Variants in TSHZ2 observed in about 807,000 individuals in gnomAD.
TSHZ2 encodes the protein teashirt homolog 2.
TSHZ2 carries 21 observed loss-of-function variants against 74.4 expected under a neutral mutation model. The ratio of observed to expected loss-of-function variants is 0.28; its 90% CI spans 0.20 to 0.41. TSHZ2 has a LOEUF of 0.41. Among genes scored for constraint, TSHZ2 ranks in the 10% least tolerant of loss-of-function variants. The pLI, the probability that TSHZ2 is intolerant of heterozygous loss-of-function variation, is 1.00. For missense variants in TSHZ2, 1,244 were observed against 1,293.5 expected (o/e 0.96, Z 0.59); for synonymous variants, 540 against 515.3 (o/e 1.05, Z -0.65).
At chr20:53,145,982 A>G (rs1987530824) in intron 1 of TSHZ2, among the ~76,000 whole-genome samples, 1 of 152,222 alleles carries the variant, frequency 6.6e-6, no homozygotes, top group African/African-American at 2.4e-5. Context: ...TCACAATACT[A>G]AAACGTCTAG....
intron 1 of TSHZ2, among the ~76,000 whole-genome samples, chr20:53,036,572 G>A (rs1983826509): frequency 6.7e-6 from 1 of 149,288 alleles, no homozygotes; most frequent in African/African-American, 2.4e-5. Flanking sequence ...GTTTTAAAAA[G>A]TAAAAATGTA....
rs529981538 is a variant in TSHZ2, at chr20:53,229,847, AAAG to A, written c.41-23646_41-23644del. Among the ~76,000 whole-genome samples the A allele has an allele frequency of 1.5e-3, 225 of 150,468 alleles. 2 individuals carry two copies. The highest frequency in any genetic ancestry group is 2.8e-3 in the Admixed American group (42 of 15,076). On this transcript the variant is annotated intron_variant, in intron 1 of 2. Transcript: ENST00000371497. ...AGGGAGGAAGAGAAAGAAAAGAAAA[AAAG>A]AAGAAATGGAAAGAAAAGAGGGAGG...
intron 2 of TSHZ2, among the ~76,000 whole-genome samples, chr20:53,328,246 T>C (rs1388429259): frequency 2.0e-5 from 3 of 152,194 alleles, no homozygotes; most frequent in Non-Finnish European, 4.4e-5. Context: ...TTTTATAAAA[T>C]ATCTGCATAA....
chr20:53,230,896 AAAAAG>A (rs1436085236), intron 1 of TSHZ2, among the ~76,000 whole-genome samples: 3 of 152,170 alleles, frequency 2.0e-5, no homozygotes, highest in Non-Finnish European at 4.4e-5. Flanking sequence ...AAAAAAAAGA[AAAAAG>A]AAAAAATATT....
intron 1 of TSHZ2, among the ~76,000 whole-genome samples, chr20:53,049,202 C>A (rs986503592): frequency 1.3e-5 from 2 of 152,088 alleles, no homozygotes; most frequent in South Asian, 4.2e-4. Context: ...CTATGAGGAC[C>A]AAAGAGGGGC....
chr20:53,050,094 T>C (rs1253258700), intron 1 of TSHZ2, among the ~76,000 whole-genome samples: 1 of 79,350 alleles, frequency 1.3e-5, no homozygotes, highest in Non-Finnish European at 2.1e-5. Context: ...AAAAAAAATG[T>C]ATATGTGTGT....
intron 2 of TSHZ2, among the ~76,000 whole-genome samples, chr20:53,446,340 G>A (rs1362425233): frequency 2.0e-5 from 3 of 149,800 alleles, no homozygotes; most frequent in African/African-American, 7.4e-5. Flanking sequence ...GAGGCGGGCA[G>A]ATCAAGAGGT....
chr20:53,257,489 A>T (rs1314324310), intron 2 of TSHZ2, among the ~76,000 whole-genome samples: 1 of 152,218 alleles, frequency 6.6e-6, no homozygotes, highest in Non-Finnish European at 1.5e-5. Context: ...CATTTGTGTC[A>T]TTTTTAGGAA....
chr20:53,353,663 T>G (rs2145590983), intron 2 of TSHZ2, among the ~76,000 whole-genome samples: 1 of 152,372 alleles, frequency 6.6e-6, no homozygotes, highest in South Asian at 2.1e-4. Context: ...TTTACACATA[T>G]ACGTGATTAA....
At chr20:53,012,097 A>G (rs536289551) in intron 1 of TSHZ2, among the ~76,000 whole-genome samples, 22 of 152,306 alleles carry the variant, frequency 1.4e-4, no homozygotes, top group Middle Eastern at 3.4e-3. Flanking sequence ...ATGACTGTTC[A>G]GAGAGGTACT....
chr20:53,266,574 T>C (rs1990720358), intron 2 of TSHZ2, among the ~76,000 whole-genome samples: 1 of 152,144 alleles, frequency 6.6e-6, no homozygotes, highest in South Asian at 2.1e-4. Context: ...ATAATTCTCA[T>C]TGTCCCATCA....
intron 1 of TSHZ2, among the ~76,000 whole-genome samples, chr20:53,229,603 C>T (rs552774553): frequency 1.6e-4 from 25 of 152,244 alleles, no homozygotes; most frequent in East Asian, 3.9e-4. Flanking sequence ...CTCAGCTTTT[C>T]GAACTAAATA....
chr20:53,408,524 T>A (rs1333431060), intron 2 of TSHZ2, among the ~76,000 whole-genome samples: 1 of 152,170 alleles, frequency 6.6e-6, no homozygotes, highest in East Asian at 1.9e-4. Context: ...GAGTGATATG[T>A]CTAAGTGACT....
chr20:53,236,568 G>A (rs1402694816), intron 1 of TSHZ2, among the ~76,000 whole-genome samples: 3 of 152,206 alleles, frequency 2.0e-5, no homozygotes, highest in African/African-American at 7.2e-5. Context: ...GCTGTGAGAG[G>A]GCACTGGGTC....
intron 2 of TSHZ2, among the ~76,000 whole-genome samples, chr20:53,469,039 G>A (rs1433557900): frequency 3.2e-5 from 1 of 31,304 alleles, no homozygotes; most frequent in Non-Finnish European, 7.8e-5. Flanking sequence ...CTCTGAAATC[G>A]ATATTTTATA....
At chr20:53,362,238 G>A (rs1177200623) in intron 2 of TSHZ2, among the ~76,000 whole-genome samples, 4 of 149,384 alleles carry the variant, frequency 2.7e-5, no homozygotes, top group Non-Finnish European at 4.4e-5. Flanking sequence ...AGGCCGGAGC[G>A]CAGTGGCAGG....
chr20:52,977,468 A>G (rs1259603570), intron 1 of TSHZ2, among the ~76,000 whole-genome samples: 1 of 142,500 alleles, frequency 7.0e-6, no homozygotes, highest in Non-Finnish European at 1.5e-5. Context: ...ACACACACAC[A>G]CGCATGGACA....
In TSHZ2 at chr20:53,166,690, G is replaced by A. The variant is rs572429922; in HGVS notation, c.41-86809G>A. Among the ~76,000 whole-genome samples, 5 of 152,240 alleles carry A rather than the reference G, an allele frequency of 3.3e-5. No individual in the cohort carries two copies. In the East Asian group the frequency reaches 7.7e-4, roughly 24 times the overall value. The stretch of plus-strand genomic sequence containing the variant: ...GGAGGCTGAGGTAGGAGGATCACTT[G>A]AGCCTGGGAAGTAGAGGTTTCAGTG... On this transcript the variant is annotated intron_variant, in intron 1 of 2. Coordinates refer to ENST00000371497, the MANE Select transcript of TSHZ2 (RefSeq NM_173485.6).
At chr20:53,265,064 GGGAGACACA>G (rs1990684657) in intron 2 of TSHZ2, among the ~76,000 whole-genome samples, 1 of 152,144 alleles carries the variant, frequency 6.6e-6, no homozygotes, top group Non-Finnish European at 1.5e-5. Flanking sequence ...CAGGGGTCAG[GGGAGACACA>G]GCTTGGGGAG....
Sources: gnomAD v4.1 joint callset for allele counts (sites outside exome capture counted in the v4.1 genomes callset) on GRCh38, gnomAD v4.1.1 for gene constraint, MANE v1.5 for transcripts, NCBI Gene and HGNC (gene_info 2026-07-23, HGNC 2026-07-21) for gene names.